The following DENR variants were observed in gnomAD, a reference collection of about 807,000 sequenced individuals.
DENR encodes density-regulated protein.
In DENR, 6 loss-of-function variants were observed where a neutral mutation model predicts 30.6. The observed-to-expected ratio is 0.20, with a 90% CI of 0.11 to 0.39. DENR has a LOEUF of 0.39. Among genes scored for constraint, DENR ranks in the 10% least tolerant of loss-of-function variants. The probability of loss-of-function intolerance (pLI) is 1.00; values close to 1 mark genes in which losing one functional copy is unlikely to be tolerated. For synonymous variants in DENR, 78 were observed against 72.1 expected (o/e 1.08, Z -0.41); for missense variants, 141 against 230.9 (o/e 0.61, Z 2.52).
At chr12:122,766,225 G>A (rs1475012951) in intron 5 of DENR, among the ~76,000 whole-genome samples, 4 of 152,108 alleles carry the variant, frequency 2.6e-5, no homozygotes, top group Non-Finnish European at 4.4e-5. Flanking sequence ...CAGCTCTTCC[G>A]ATAAGGGTCA....
At chr12:122,755,179 T>C (rs1878514399) in intron 2 of DENR, among the ~76,000 whole-genome samples, 1 of 152,182 alleles carries the variant, frequency 6.6e-6, no homozygotes. Flanking sequence ...CGAGGTGAAC[T>C]GGGTAGATTT....
At chr12:122,767,232 T>TA (rs1284067420) in intron 5 of DENR, among the ~76,000 whole-genome samples, 1 of 152,234 alleles carries the variant, frequency 6.6e-6, no homozygotes, top group Non-Finnish European at 1.5e-5. Context: ...ACTTCTTTTT[T>TA]TACTCCCTTC....
intron 7 of DENR, 26 bp downstream of exon 7, chr12:122,768,947 C>T: frequency 6.2e-7 from 1 of 1,603,506 alleles, no homozygotes; most frequent in Non-Finnish European, 8.5e-7. Flanking sequence ...ACATACATCG[C>T]TAGAGATAAG....
intron 2 of DENR, among the ~76,000 whole-genome samples, chr12:122,758,457 C>T (rs1427462079): frequency 6.6e-6 from 1 of 152,260 alleles, no homozygotes; most frequent in Admixed American, 6.5e-5. Flanking sequence ...TGCATTTTAT[C>T]AAGAGGTACC....
At chr12:122,763,770 C>CT (rs1878771323) in intron 4 of DENR, among the ~76,000 whole-genome samples, 1 of 152,104 alleles carries the variant, frequency 6.6e-6, no homozygotes, top group Admixed American at 6.5e-5. Flanking sequence ...TGTAAGTGTA[C>CT]TATATGCTAC....
intron 2 of DENR, among the ~76,000 whole-genome samples, chr12:122,760,675 G>A (rs1458349093): frequency 6.6e-6 from 1 of 152,198 alleles, no homozygotes; most frequent in Non-Finnish European, 1.5e-5. Flanking sequence ...AGCTTGCAGT[G>A]AGCCGAGATA....
rs1879022534 is a variant in DENR at position 122,770,973 on chromosome 12, C to T, written c.*1895C>T. 1 of 372,778 alleles carries T rather than the reference C, an allele frequency of 2.7e-6. No homozygotes were observed. Among genetic ancestry groups the T allele is most frequent in the African/African-American group, 2.1e-5 (1 of 48,058 alleles). 23.1% of individuals were successfully genotyped at this position (372,778 alleles called of 1,614,324 possible). A position where few individuals can be genotyped will look rare whatever the true frequency, so the allele number is the denominator to read the frequency against. On this transcript the variant is annotated 3_prime_UTR_variant, in exon 8 of 8. Transcript: ENST00000280557. Reference sequence around the variant, plus strand: ...TTCATGTAAAGTTTCTTTGTGTTCACAGTTCTTAGCAAATGCAGTTACAAT... The same window carrying T: ...TTCATGTAAAGTTTCTTTGTGTTCATAGTTCTTAGCAAATGCAGTTACAAT...
Position 122,770,847 on chromosome 12 carries a change from T to TA in DENR, c.*1770dup, listed in dbSNP as rs1879018380. The TA allele has an allele frequency of 5.0e-6, 2 of 397,066 alleles. No homozygotes were observed. The highest frequency in any genetic ancestry group is 4.4e-6 in the Non-Finnish European group (1 of 225,714). 24.6% of individuals were successfully genotyped at this position (397,066 alleles called of 1,614,324 possible). A position where few individuals can be genotyped will look rare whatever the true frequency, so the allele number is the denominator to read the frequency against. On this transcript the variant is annotated 3_prime_UTR_variant, in exon 8 of 8. Coordinates refer to ENST00000280557, the MANE Select transcript of DENR (RefSeq NM_003677.5). ...AACTGTGGATTTTACTAAATAGAAT[T>TA]ACTGGTGAAGCAGATTTATCCATCG...
intron 6 of DENR, chr12:122,768,347 A>G (rs1009924216): frequency 1.3e-5 from 2 of 153,130 alleles, no homozygotes; most frequent in Non-Finnish European, 2.9e-5. Flanking sequence ...AAAATACAAA[A>G]ATGAGCCAGA....
At chr12:122,767,943 C>G (rs1031971933) in intron 6 of DENR, among the ~76,000 whole-genome samples, 1 of 152,146 alleles carries the variant, frequency 6.6e-6, no homozygotes, top group Non-Finnish European at 1.5e-5. Flanking sequence ...AATGGCTCAT[C>G]CCCTCTGGGA....
Position 122,770,548 on chromosome 12 carries a change from C to G in DENR, c.*1470C>G. The G allele has an allele frequency of 2.5e-6, 1 of 398,172 alleles. No homozygotes were observed. Among genetic ancestry groups the G allele is most frequent in the Non-Finnish European group, 4.4e-6 (1 of 225,932 alleles). 24.7% of individuals were successfully genotyped at this position (398,172 alleles called of 1,614,324 possible). Reference sequence around the variant, plus strand: ...TGTACACCCATGCTCAATATATAGTCCTGGAAATAGCAATTGAAACATGTC... The same window carrying G: ...TGTACACCCATGCTCAATATATAGTGCTGGAAATAGCAATTGAAACATGTC... On this transcript the variant is annotated 3_prime_UTR_variant, in exon 8 of 8. Transcript: ENST00000280557.
chr12:122,766,829 A>G (rs925101062), intron 5 of DENR, among the ~76,000 whole-genome samples: 4 of 152,122 alleles, frequency 2.6e-5, no homozygotes, highest in Non-Finnish European at 4.4e-5. Flanking sequence ...AACTAACGCA[A>G]GAGCCTCTGT....
In DENR at chr12:122,769,453, A is replaced by G; in HGVS notation, c.*375A>G. The G allele has an allele frequency of 1.0e-6, 1 of 987,120 alleles. No homozygotes were observed. The highest frequency in any genetic ancestry group is 1.2e-6 in the Non-Finnish European group (1 of 831,030). 61.1% of individuals were successfully genotyped at this position (987,120 alleles called of 1,614,324 possible). A position where few individuals can be genotyped will look rare whatever the true frequency, so the allele number is the denominator to read the frequency against. On this transcript the variant is annotated 3_prime_UTR_variant, in exon 8 of 8. Coordinates refer to ENST00000280557, the MANE Select transcript of DENR (RefSeq NM_003677.5). ...GACTGTCATGCTCATGCATGAATAG[A>G]ATTTAGTCAAATAAAAAATTTTGGT...
chr12:122,758,011 G>A (rs1878595181), intron 2 of DENR, among the ~76,000 whole-genome samples: 1 of 152,176 alleles, frequency 6.6e-6, no homozygotes, highest in Non-Finnish European at 1.5e-5. Flanking sequence ...ATTTGTAATT[G>A]AAAATATTGA....
chr12:122,761,827 A>C (rs1050623048), intron 2 of DENR, among the ~76,000 whole-genome samples: 22 of 152,228 alleles, frequency 1.4e-4, no homozygotes, highest in African/African-American at 4.8e-4. Context: ...AAGAAAAGAA[A>C]TAACCAGTTT....
rs1276591378 is a variant in DENR at position 122,770,892 on chromosome 12, A to G, written c.*1814A>G. On this transcript the variant is annotated 3_prime_UTR_variant, in exon 8 of 8. Transcript: ENST00000280557. Reference sequence around the variant, plus strand: ...CCATCGAGACTATCTGGTATGCGTTATGTATGTAGTCTGTTGCTGCTGAAA... The same window carrying G: ...CCATCGAGACTATCTGGTATGCGTTGTGTATGTAGTCTGTTGCTGCTGAAA... 4 of 395,278 alleles carry G rather than the reference A, an allele frequency of 1.0e-5. No homozygotes were observed. Among genetic ancestry groups the G allele is most frequent in the Non-Finnish European group, 1.8e-5 (4 of 224,700 alleles). 24.5% of individuals were successfully genotyped at this position (395,278 alleles called of 1,614,324 possible). A position where few individuals can be genotyped will look rare whatever the true frequency, so the allele number is the denominator to read the frequency against.
rs886558609 is a variant in DENR at position 122,769,151 on chromosome 12, AAT to A, written c.*87_*88del. ...GGCCAAAGGGAGAGAGGCCTTTTAAAATATATATATATATACACATATATATG... is the reference window on the plus strand; with the variant it reads ...GGCCAAAGGGAGAGAGGCCTTTTAAAATATATATATATACACATATATATG... On this transcript the variant is annotated 3_prime_UTR_variant, in exon 8 of 8. Coordinates refer to ENST00000280557, the MANE Select transcript of DENR (RefSeq NM_003677.5). The A allele has an allele frequency of 8.4e-3, 11,240 of 1,338,188 alleles. No homozygotes were observed. The highest frequency in any genetic ancestry group is 0.012 in the Admixed American group (487 of 41,528). The allele number at this position is 1,338,188 out of a possible 1,614,324, so 82.9% of individuals were successfully genotyped here.
At chr12:122,764,695 G>A (rs1294176285) in intron 4 of DENR, among the ~76,000 whole-genome samples, 1 of 152,164 alleles carries the variant, frequency 6.6e-6, no homozygotes, top group Non-Finnish European at 1.5e-5. Context: ...TGCAAGACTG[G>A]TAAAAATGAA....
rs745783273 is a variant in DENR, at chr12:122,753,764, C to T, written c.63C>T (p.Ala21=). 1 of 1,613,946 alleles carries T rather than the reference C, an allele frequency of 6.2e-7. No homozygotes were observed. The part of the protein sequence containing the change: ...ADCKGDPRNS[A]KLDADYPLRV... ...GCAAAGGAGACCCAAGGAACAGTGCCAAGTTAGATGCCGATTACCCACTTC... is the reference window on the plus strand; with the variant it reads ...GCAAAGGAGACCCAAGGAACAGTGCTAAGTTAGATGCCGATTACCCACTTC... The change falls in exon 2 of 8, where the codon GCC becomes GCT. Residue 21 remains alanine (A), a synonymous_variant. Coordinates refer to ENST00000280557, the MANE Select transcript of DENR (RefSeq NM_003677.5).
Sources: gnomAD v4.1 joint callset for allele counts (sites outside exome capture counted in the v4.1 genomes callset) on GRCh38, gnomAD v4.1.1 for gene constraint, MANE v1.5 for transcripts, NCBI Gene and HGNC (gene_info 2026-07-23, HGNC 2026-07-21) for gene names.